The following ATRX variants were observed in gnomAD, a reference collection of about 807,000 sequenced individuals.
ATRX encodes the protein ATRX chromatin remodeler, also known as chromatin remodeler ATRX.
A neutral mutation model predicts 172.6 loss-of-function variants in ATRX; 12 were observed. The observed-to-expected ratio is 0.07, with a 90% CI of 0.04 to 0.11. The LOEUF is 0.11. Among genes scored for constraint, ATRX ranks in the 10% least tolerant of loss-of-function variants. The pLI, the probability that ATRX is intolerant of heterozygous loss-of-function variation, is 1.00. For missense variants in ATRX, 1,368 were observed against 1,767.4 expected, an observed-to-expected ratio of 0.77 and a Z score of 4.05; for synonymous variants, 674 against 594.7, an observed-to-expected ratio of 1.13 and a Z score of -1.94.
intron 1 of ATRX, among the ~76,000 whole-genome samples, chrX:77,735,957 C>T (rs1367890762): frequency 2.8e-5 from 3 of 108,543 alleles, no homozygotes; most frequent in African/African-American, 1.0e-4. Flanking sequence ...TGAGCTGAGA[C>T]CGTGCCATTG....
intron 15 of ATRX, among the ~76,000 whole-genome samples, chrX:77,641,035 C>T (rs2068628839): frequency 9.0e-6 from 1 of 110,993 alleles, no homozygotes; most frequent in Non-Finnish European, 1.9e-5. Context: ...GTAGAGACCA[C>T]GAAGAGACCA....
chrX:77,619,862 C>T (rs1158639927), intron 20 of ATRX, among the ~76,000 whole-genome samples: 1 of 111,907 alleles, frequency 8.9e-6, no homozygotes, highest in Non-Finnish European at 1.9e-5. Context: ...ATGTTCCCTT[C>T]TTTAGTGTCA....
intron 15 of ATRX, among the ~76,000 whole-genome samples, chrX:77,648,057 G>C (rs1165451259): frequency 9.0e-6 from 1 of 111,653 alleles, no homozygotes; most frequent in Non-Finnish European, 1.9e-5. Context: ...ATTACATGTT[G>C]TTAAAGGGGG....
intron 26 of ATRX, among the ~76,000 whole-genome samples, chrX:77,591,281 G>A (rs1428476906): frequency 9.0e-6 from 1 of 111,318 alleles, no homozygotes; most frequent in African/African-American, 3.3e-5. Context: ...CTAACCCACT[G>A]GACAGAATTT....
Position 77,664,580 on chromosome X carries a change from T to A in ATRX, c.3943+65A>T, listed in dbSNP as rs1026023146. The A allele has an allele frequency of 1.0e-5, 12 of 1,182,212 alleles. No homozygotes were observed. The Admixed American group carries it at 2.6e-4, about 26-fold the overall frequency. Reference sequence around the variant, plus strand: ...TAAGATATTTCTTGGTCAGATATTCTTCAAAGACTGAATTAGTCAAGGAAT... The same window carrying A: ...TAAGATATTTCTTGGTCAGATATTCATCAAAGACTGAATTAGTCAAGGAAT... On this transcript the variant is annotated intron_variant, in intron 11 of 34. Coordinates refer to ENST00000373344, the MANE Select transcript of ATRX (RefSeq NM_000489.6).
chrX:77,561,277 T>C (rs2065008171), intron 28 of ATRX, among the ~76,000 whole-genome samples: 2 of 110,089 alleles, frequency 1.8e-5, no homozygotes, highest in Admixed American at 9.7e-5. Flanking sequence ...ATCAAGCATA[T>C]AGAATGGTAT....
intron 1 of ATRX, among the ~76,000 whole-genome samples, chrX:77,736,423 C>G (rs1373310944): frequency 1.8e-5 from 2 of 112,243 alleles, no homozygotes; most frequent in African/African-American, 6.5e-5. Flanking sequence ...ATACACATTT[C>G]TCAAAAGAAG....
intron 27 of ATRX, 137 bp downstream of exon 27, chrX:77,589,697 A>C: frequency 2.1e-6 from 1 of 477,484 alleles, no homozygotes; most frequent in South Asian, 3.3e-5. Flanking sequence ...ATAAGGACAA[A>C]TAGACATTGC....
At chrX:77,658,811 T>C (rs1406075276) in intron 12 of ATRX, among the ~76,000 whole-genome samples, 1 of 111,870 alleles carries the variant, frequency 8.9e-6, no homozygotes, top group Non-Finnish European at 1.9e-5. Context: ...CTGGTTTTGA[T>C]CATGGTACTA....
At chrX:77,685,078 T>C in intron 7 of ATRX, 72 bp from the exon 8 acceptor site, 2 of 835,269 alleles carry the variant, frequency 2.4e-6, no homozygotes, top group Non-Finnish European at 3.6e-6. Flanking sequence ...AAAACTTTAT[T>C]TTTTTAAGTA....
intron 2 of ATRX, among the ~76,000 whole-genome samples, chrX:77,713,613 CAG>C (rs1310217087): frequency 9.0e-6 from 1 of 111,377 alleles, no homozygotes; most frequent in Non-Finnish European, 1.9e-5. Context: ...TAAATAATGA[CAG>C]AGAATATTCA....
At position 77,783,242 on chromosome X, in the gene ATRX, T is replaced by C. The variant is rs2076626980; in HGVS notation, c.20+2740A>G. On this transcript the variant is annotated intron_variant, in intron 1 of 34. Transcript: ENST00000373344. ...AAAGTGAGACTCTGTCTCAAAAAAA[T>C]AAATTTAAAAATTAAAAAATAATCA... Among the ~76,000 whole-genome samples the C allele has an allele frequency of 6.3e-5, 7 of 111,547 alleles. No individual in the cohort carries two copies. In the Admixed American group the frequency reaches 6.7e-4, roughly 11 times the overall value.
At chrX:77,706,202 T>A (rs782132050) in intron 2 of ATRX, among the ~76,000 whole-genome samples, 10 of 107,546 alleles carry the variant, frequency 9.3e-5, no homozygotes, top group Non-Finnish European at 1.5e-4. Context: ...CAGGCTGGTC[T>A]GGAACTCCTG....
At chrX:77,571,116 C>A (rs1439878680) in intron 28 of ATRX, among the ~76,000 whole-genome samples, 4 of 111,805 alleles carry the variant, frequency 3.6e-5, no homozygotes, top group Admixed American at 1.9e-4. Context: ...CTTGGTAGGA[C>A]TATAAAATGG....
intron 15 of ATRX, among the ~76,000 whole-genome samples, chrX:77,644,451 C>A (rs782628544): frequency 8.9e-6 from 1 of 112,096 alleles, no homozygotes; most frequent in Non-Finnish European, 1.9e-5. Context: ...CAAGTTACAA[C>A]AGTCAAATAC....
chrX:77,533,392 T>C (rs1275684709), intron 30 of ATRX, among the ~76,000 whole-genome samples: 3 of 112,265 alleles, frequency 2.7e-5, no homozygotes, highest in African/African-American at 9.7e-5. Context: ...CCATCAATGA[T>C]AGACTGGATA....
chrX:77,593,707 A>C lies in ATRX; in HGVS notation c.6099T>G (p.Ile2033Met). Reference protein sequence around the residue: ...LFEILRMAEEIGDKVLVFSQS... With the variant: ...LFEILRMAEEMGDKVLVFSQS... ...GGTAAAGCACTTACACTTTATCCCC[A>C]ATTTCCTCTGCCATTCGAAGAATTT... is the stretch of plus-strand genomic sequence containing the variant. The change falls in exon 26 of 35, where the codon ATT becomes ATG. Residue 2033 changes from isoleucine to methionine, a missense_variant. Ile to Met is a conservative substitution (Grantham distance 10). This residue lies in a region of ATRX where 45 missense variants were observed against 120.2 expected (regional missense o/e 0.37). Coordinates refer to ENST00000373344, the MANE Select transcript of ATRX (RefSeq NM_000489.6). 1 of 1,210,711 alleles carries C rather than the reference A, an allele frequency of 8.3e-7. No individual in the cohort carries two copies. The highest frequency in any genetic ancestry group is 3.0e-5 in the East Asian group (1 of 33,831).
In ATRX at chrX:77,774,676, C is replaced by CAA. The variant is rs1401511655; in HGVS notation, c.20+11304_20+11305dup. ...TGGGCGACAGTGTGAGACTCTGTCT[C>CAA]AAAAAAAAAAAAATGGTATTGTATC... On this transcript the variant is annotated intron_variant, in intron 1 of 34. Coordinates refer to ENST00000373344, the MANE Select transcript of ATRX (RefSeq NM_000489.6). 1.3e-4 allele frequency among the ~76,000 whole-genome samples: 12 copies of CAA among 95,690 alleles called. 1 individual carries two copies. The highest frequency in any genetic ancestry group is 4.2e-5 in the Non-Finnish European group (2 of 47,241). 83.1% of individuals were successfully genotyped at this position (95,690 alleles called of 115,157 possible). A position where few individuals can be genotyped will look rare whatever the true frequency, so the allele number is the denominator to read the frequency against.
At chrX:77,585,436 C>G (rs183181529) in intron 27 of ATRX, among the ~76,000 whole-genome samples, 1 of 104,926 alleles carries the variant, frequency 9.5e-6, no homozygotes, top group Non-Finnish European at 2.0e-5. Context: ...ATTAGCTGGG[C>G]GTGGTAGTGT....
Sources: allele counts gnomAD v4.1 joint callset (sites outside exome capture counted in the v4.1 genomes callset), GRCh38; gene constraint gnomAD v4.1.1; regional missense constraint gnomAD v4.1.1; transcripts MANE v1.5; gene names NCBI Gene and HGNC (gene_info 2026-07-23, HGNC 2026-07-21).